SPEF2: variants seen among roughly 807,000 people sequenced by gnomAD.
SPEF2 encodes the protein sperm flagella and cilia-associated protein 2.
A neutral mutation model predicts 224.6 loss-of-function variants in SPEF2; 187 were observed. That is an observed-to-expected ratio of 0.83 (90% confidence interval 0.74 to 0.94). The LOEUF is 0.94. Among genes scored for constraint, SPEF2 ranks in the 40% least tolerant of loss-of-function variants. The pLI is 0.00. For missense variants in SPEF2, 2,170 were observed against 2,135.6 expected (o/e 1.02, Z -0.32); for synonymous variants, 715 against 707.3 (o/e 1.01, Z -0.17).
At chr5:35,811,849 A>C (rs887576214) in intron 36 of SPEF2, among the ~76,000 whole-genome samples, 3 of 148,640 alleles carry the variant, frequency 2.0e-5, no homozygotes, top group Admixed American at 2.0e-4. Context: ...CAGTGGTGCA[A>C]TCTTGGCTCA....
At chr5:35,637,039 G>GAGTCCTGCAGTCATCAAAGCAGACAAAC (rs1265194667) in intron 2 of SPEF2, among the ~76,000 whole-genome samples, 1 of 151,876 alleles carries the variant, frequency 6.6e-6, no homozygotes, top group African/African-American at 2.4e-5. Context: ...CAGGACTTTG[G>GAGTCCTGCAGTCATCAAAGCAGACAAAC]AGGCGCTTCA....
At chr5:35,666,896 T>C (rs1204028308) in intron 8 of SPEF2, among the ~76,000 whole-genome samples, 176 bp from the exon 9 acceptor site, 1 of 152,250 alleles carries the variant, frequency 6.6e-6, no homozygotes, top group Admixed American at 6.5e-5. Context: ...TTTCCAATAT[T>C]GTCTTTGCAT....
chr5:35,774,080 C>T, intron 28 of SPEF2, 59 bp downstream of exon 28: 1 of 1,574,422 alleles, frequency 6.4e-7, no homozygotes, highest in South Asian at 1.2e-5. Flanking sequence ...AGTAGCCAAA[C>T]AGCCCACAAC....
chr5:35,779,099 C>T lies in SPEF2; in HGVS notation c.4218-18C>T. On this transcript the variant is annotated intron_variant, in intron 29 of 36. Coordinates refer to ENST00000356031, the MANE Select transcript of SPEF2 (RefSeq NM_024867.4). ...GTATCTTTCATGGGGTTAACGCTAT[C>T]CATTTTACCACTTTCAGTACAGAAA... 1 of 1,585,434 alleles carries T rather than the reference C, an allele frequency of 6.3e-7. No individual in the cohort carries two copies. Among genetic ancestry groups the T allele is most frequent in the South Asian group, 1.1e-5 (1 of 88,858 alleles).
chr5:35,787,217 T>C (rs1460713206), intron 30 of SPEF2, among the ~76,000 whole-genome samples: 3 of 151,240 alleles, frequency 2.0e-5, no homozygotes, highest in Admixed American at 6.6e-5. Flanking sequence ...GAGGCACAGC[T>C]CCTTTACAAA....
At position 35,792,394 on chromosome 5, in the gene SPEF2, A is replaced by G; in HGVS notation, c.4502A>G (p.Asn1501Ser). 6.2e-7 allele frequency: 1 copy of G among 1,613,832 alleles called. No individual in the cohort carries two copies. The highest frequency in any genetic ancestry group is 8.5e-7 in the Non-Finnish European group (1 of 1,179,824). Reference sequence around the variant, plus strand: ...ATTCTGATCGATTTGGTGACCCTGAACCTTGGCACAAACAACTTTCCTAGT... The same window carrying G: ...ATTCTGATCGATTTGGTGACCCTGAGCCTTGGCACAAACAACTTTCCTAGT... ...TDILIDLVTL[N>S]LGTNNFPSNW... is the part of the protein sequence containing the mutation. Residue 1501 changes from asparagine to serine, a missense_variant, in exon 31 of 37, where the codon AAC (asparagine) becomes AGC (serine). Coordinates refer to ENST00000356031, the MANE Select transcript of SPEF2 (RefSeq NM_024867.4).
In SPEF2 at chr5:35,710,675, C is replaced by T. The variant is rs1201364079; in HGVS notation, c.2839+1554C>T. On this transcript the variant is annotated intron_variant, in intron 19 of 36. Transcript: ENST00000356031. ...CTATGACTCTAGGTTAAAGCTCCTCCTCAGCTTGCTCCAGTCAAGAGTATC... is the reference window on the plus strand; with the variant it reads ...CTATGACTCTAGGTTAAAGCTCCTCTTCAGCTTGCTCCAGTCAAGAGTATC... 10 of 985,214 alleles carry T rather than the reference C, an allele frequency of 1.0e-5. No individual in the cohort carries two copies. In the South Asian group the frequency reaches 4.2e-4, roughly 42 times the overall value. 61.0% of individuals were successfully genotyped at this position (985,214 alleles called of 1,614,324 possible).
chr5:35,693,872 A>AT (rs1393663290), intron 12 of SPEF2, among the ~76,000 whole-genome samples: 2 of 152,198 alleles, frequency 1.3e-5, no homozygotes, highest in African/African-American at 4.8e-5. Flanking sequence ...ATATCTTTAT[A>AT]TTTTAATCAA....
At chr5:35,776,493 C>A in intron 29 of SPEF2, 98 bp downstream of exon 29, 1 of 1,409,906 alleles carries the variant, frequency 7.1e-7, no homozygotes, top group Non-Finnish European at 9.6e-7. Context: ...AAGTTAGTTA[C>A]AAATATAAAT....
Position 35,707,868 on chromosome 5 carries a change from G to C in SPEF2, c.2666-1080G>C, listed in dbSNP as rs547302029. Among the ~76,000 whole-genome samples, 7 of 152,212 alleles carry C rather than the reference G, an allele frequency of 4.6e-5. No individual in the cohort carries two copies. The East Asian group carries it at 1.4e-3, about 29-fold the overall frequency. ...CTTATGGTTGGGCATACTCACCCTG[G>C]CAGTCTATCTAAAACTTAAGAAGCT... On this transcript the variant is annotated intron_variant, in intron 18 of 36. Transcript: ENST00000356031.
intron 8 of SPEF2, among the ~76,000 whole-genome samples, chr5:35,660,938 T>A (rs1253300500): frequency 1.3e-5 from 2 of 152,006 alleles, no homozygotes; most frequent in Non-Finnish European, 2.9e-5. Context: ...AAAAATTATA[T>A]TTCTTCCTCT....
intron 33 of SPEF2, among the ~76,000 whole-genome samples, chr5:35,798,342 C>G (rs1245507939): frequency 6.6e-6 from 1 of 152,170 alleles, no homozygotes; most frequent in East Asian, 1.9e-4. Context: ...CAATTCTGCT[C>G]AGCCACACTG....
intron 21 of SPEF2, among the ~76,000 whole-genome samples, chr5:35,732,136 C>T (rs1024337481): frequency 1.5e-4 from 23 of 152,168 alleles, no homozygotes; most frequent in African/African-American, 5.5e-4. Flanking sequence ...CTGACCCATT[C>T]CTGCTCTAGC....
At chr5:35,742,444 C>A (rs1449897249) in intron 23 of SPEF2, among the ~76,000 whole-genome samples, 1 of 151,870 alleles carries the variant, frequency 6.6e-6, no homozygotes, top group East Asian at 1.9e-4. Context: ...AAATTTTACT[C>A]AACTAACAGA....
intron 24 of SPEF2, among the ~76,000 whole-genome samples, 188 bp downstream of exon 24, chr5:35,753,949 A>C (rs1395778670): frequency 2.0e-5 from 3 of 152,192 alleles, no homozygotes; most frequent in Non-Finnish European, 4.4e-5. Context: ...ACCCAGCCCA[A>C]ATATGCACCC....
In SPEF2 at chr5:35,709,055, G is replaced by T. The variant is rs1350742422; in HGVS notation, c.2773G>T (p.Glu925Ter). Residue 925 changes from glutamate (E) to a stop codon, truncating the protein, a stop_gained, in exon 19 of 37, where the codon GAG (glutamate) becomes TAG (stop). Coordinates refer to ENST00000356031, the MANE Select transcript of SPEF2 (RefSeq NM_024867.4). LOFTEE classifies it high-confidence loss of function. ...PPAPPPEPEK[E>*]KEIHQSHVAS... Reference sequence around the variant, plus strand: ...TGCTCCTCCTCCTGAACCAGAAAAAGAGAAGGAAATTCATCAAAGCCATGT... The same window carrying T: ...TGCTCCTCCTCCTGAACCAGAAAAATAGAAGGAAATTCATCAAAGCCATGT... The T allele has an allele frequency of 6.2e-7, 1 of 1,613,896 alleles. No homozygotes were observed. The highest frequency in any genetic ancestry group is 8.5e-7 in the Non-Finnish European group (1 of 1,179,950).
intron 26 of SPEF2, among the ~76,000 whole-genome samples, chr5:35,770,679 G>A (rs1333950105): frequency 6.6e-6 from 1 of 152,126 alleles, no homozygotes; most frequent in East Asian, 1.9e-4. Context: ...GTTGTCATGG[G>A]ACAAGGTTTT....
intron 34 of SPEF2, among the ~76,000 whole-genome samples, chr5:35,805,301 C>T (rs760989009): frequency 1.3e-5 from 2 of 152,076 alleles, no homozygotes; most frequent in Non-Finnish European, 2.9e-5. Flanking sequence ...GCAAATGTAA[C>T]CTGCCTTCAT....
chr5:35,694,265 C>T (rs753998847), intron 12 of SPEF2, 23 bp from the exon 13 acceptor site: 1 of 1,602,266 alleles, frequency 6.2e-7, no homozygotes, highest in Non-Finnish European at 8.5e-7. Flanking sequence ...AAATCCCTCC[C>T]TATGTGTGTT....
Sources: allele counts gnomAD v4.1 joint callset (sites outside exome capture counted in the v4.1 genomes callset), GRCh38; gene constraint gnomAD v4.1.1; transcripts MANE v1.5; gene names NCBI Gene and HGNC (gene_info 2026-07-23, HGNC 2026-07-21).